Variants in RAPGEF4 observed in about 807,000 individuals in gnomAD.
RAPGEF4 encodes the protein Rap guanine nucleotide exchange factor 4.
Under a neutral mutation model 147.9 loss-of-function variants are expected in RAPGEF4, and 66 were observed. The ratio of observed to expected loss-of-function variants is 0.45; its 90% CI spans 0.37 to 0.55. The LOEUF is 0.55. RAPGEF4 is among the 20% of genes least tolerant of loss of function. RAPGEF4 has a pLI of 0.00. For synonymous variants in RAPGEF4, 419 were observed against 442.7 expected, an observed-to-expected ratio of 0.95 and a Z score of 0.67; for missense variants, 1,071 against 1,257.3, an observed-to-expected ratio of 0.85 and a Z score of 2.24.
At chr2:172,791,181 A>C (rs1189999636) in intron 1 of RAPGEF4, among the ~76,000 whole-genome samples, 3 of 152,208 alleles carry the variant, frequency 2.0e-5, no homozygotes, top group Non-Finnish European at 4.4e-5. Context: ...CTGGTGATTA[A>C]ATTTCTGACC....
At chr2:172,925,145 A>T (rs1685154070) in intron 6 of RAPGEF4, among the ~76,000 whole-genome samples, 1 of 152,086 alleles carries the variant, frequency 6.6e-6, no homozygotes, top group South Asian at 2.1e-4. Flanking sequence ...ATGCCTGGCT[A>T]ATTTTTTCTA....
chr2:172,907,233 G>A (rs1054434713), intron 4 of RAPGEF4, among the ~76,000 whole-genome samples: 3 of 152,192 alleles, frequency 2.0e-5, no homozygotes, highest in Non-Finnish European at 4.4e-5. Context: ...TACTAATATT[G>A]TATTTGTCAG....
In RAPGEF4 at chr2:172,986,739, G is replaced by A. The variant is rs527731451; in HGVS notation, c.1150+1246G>A. Among the ~76,000 whole-genome samples, 6 of 150,978 alleles carry A rather than the reference G, an allele frequency of 4.0e-5. No individual in the cohort carries two copies. The East Asian group carries it at 1.2e-3, about 29-fold the overall frequency. On this transcript the variant is annotated intron_variant, in intron 12 of 30. Coordinates refer to ENST00000397081, the MANE Select transcript of RAPGEF4 (RefSeq NM_007023.4). Reference sequence around the variant, plus strand: ...GACGGAGTCTTGCTCTATCACCCAGGCTGGAGTGCAGTGGCACAACCTTGG... The same window carrying A: ...GACGGAGTCTTGCTCTATCACCCAGACTGGAGTGCAGTGGCACAACCTTGG...
chr2:172,871,332 C>T lies in RAPGEF4; in HGVS notation c.445-46470C>T, dbSNP rs573235563. 1.1e-4 allele frequency among the ~76,000 whole-genome samples: 17 copies of T among 152,244 alleles called. No homozygotes were observed. The South Asian group carries it at 3.3e-3, about 30-fold the overall frequency. On this transcript the variant is annotated intron_variant, in intron 4 of 30. Coordinates refer to ENST00000397081, the MANE Select transcript of RAPGEF4 (RefSeq NM_007023.4). ...CTTGGCAGAGTGTTTTGATTGGTAT[C>T]GGCCTGCTTTCTGCAGTGAGAAAGC...
intron 1 of RAPGEF4, among the ~76,000 whole-genome samples, chr2:172,746,001 G>A (rs1694734047): frequency 6.6e-6 from 1 of 152,190 alleles, no homozygotes. Flanking sequence ...TCCAAGGAAA[G>A]ATTGTAGTAT....
At chr2:172,925,335 C>T (rs889824239) in intron 6 of RAPGEF4, among the ~76,000 whole-genome samples, 6 of 152,164 alleles carry the variant, frequency 3.9e-5, no homozygotes, top group Non-Finnish European at 8.8e-5. Context: ...TTTGTGGCTG[C>T]CTTGCCAGCT....
intron 1 of RAPGEF4, among the ~76,000 whole-genome samples, chr2:172,743,574 G>A (rs909960363): frequency 2.0e-5 from 3 of 152,158 alleles, no homozygotes; most frequent in Admixed American, 6.5e-5. Flanking sequence ...ATTTTGTGGG[G>A]CAGACATTGT....
chr2:172,831,268 T>TTTTTTTTTTTTTTTTTTTTTTTTTC, intron 4 of RAPGEF4, among the ~76,000 whole-genome samples: 1 of 112,752 alleles, frequency 8.9e-6, no homozygotes, highest in Non-Finnish European at 1.9e-5. Context: ...ATAGAAAACT[T>TTTTTTTTTTTTTTTTTTTTTTTTTC]TTTTTTTTTT....
At chr2:172,749,950 A>G (rs1212074816) in intron 1 of RAPGEF4, among the ~76,000 whole-genome samples, 1 of 152,204 alleles carries the variant, frequency 6.6e-6, no homozygotes, top group African/African-American at 2.4e-5. Context: ...TTGCTAAAAC[A>G]TAGCAAGAGT....
chr2:172,839,257 T>C (rs1034790769), intron 4 of RAPGEF4, among the ~76,000 whole-genome samples: 1 of 151,936 alleles, frequency 6.6e-6, no homozygotes, highest in Admixed American at 6.6e-5. Flanking sequence ...CAAGAAAGAA[T>C]TCAGGGCGAG....
At position 173,018,766 on chromosome 2, in the gene RAPGEF4, G is replaced by A. The variant is rs200419099; in HGVS notation, c.2119G>A (p.Glu707Lys). Residue 707 changes from glutamate (E) to lysine (K), a missense_variant, in exon 22 of 31, where the codon GAG becomes AAG. Coordinates refer to ENST00000397081, the MANE Select transcript of RAPGEF4 (RefSeq NM_007023.4). ...AGTTGCCGACAAGCTGGGCTCCGGG[G>A]AGGGCCTGATCATAGTCAAGATGAG... is the stretch of plus-strand genomic sequence containing the variant. ...SAVADKLGSGEGLIIVKMSSG... is the reference protein window; with the variant it reads ...SAVADKLGSGKGLIIVKMSSG... The A allele has an allele frequency of 2.2e-5, 35 of 1,614,070 alleles. No homozygotes were observed. The highest frequency in any genetic ancestry group is 1.1e-5 in the South Asian group (1 of 91,074).
At chr2:172,804,291 T>C (rs919362359) in intron 3 of RAPGEF4, among the ~76,000 whole-genome samples, 1 of 152,222 alleles carries the variant, frequency 6.6e-6, no homozygotes, top group Non-Finnish European at 1.5e-5. Context: ...CCTTATATTT[T>C]TTACTGTCTA....
At chr2:172,931,001 T>C (rs1685861652) in intron 6 of RAPGEF4, among the ~76,000 whole-genome samples, 1 of 152,106 alleles carries the variant, frequency 6.6e-6, no homozygotes, top group Non-Finnish European at 1.5e-5. Flanking sequence ...TCATTCATTG[T>C]TACAATCCAT....
At chr2:172,922,395 C>A in intron 6 of RAPGEF4, 95 bp downstream of exon 6, 1 of 1,153,906 alleles carries the variant, frequency 8.7e-7, no homozygotes, top group Non-Finnish European at 1.3e-6. Flanking sequence ...TCTTGACCCA[C>A]ATTCAACAGA....
intron 4 of RAPGEF4, among the ~76,000 whole-genome samples, chr2:172,833,260 G>GT (rs11335525): frequency 0.019 from 2,393 of 126,798 alleles, 62 homozygotes; most frequent in African/African-American, 0.06. Context: ...AGAGGTTTGG[G>GT]TTTTTTTTTT....
At chr2:172,869,748 T>A (rs1695010999) in intron 4 of RAPGEF4, among the ~76,000 whole-genome samples, 1 of 152,194 alleles carries the variant, frequency 6.6e-6, no homozygotes, top group Non-Finnish European at 1.5e-5. Context: ...TGAATGTGTG[T>A]TTGTTTATCT....
At chr2:172,798,008 T>C (rs1296214428) in intron 3 of RAPGEF4, among the ~76,000 whole-genome samples, 1 of 152,326 alleles carries the variant, frequency 6.6e-6, no homozygotes, top group East Asian at 1.9e-4. Context: ...GAATTTTCTT[T>C]GTCCTAGAAG....
At chr2:172,908,221 A>C (rs1300797735) in intron 4 of RAPGEF4, among the ~76,000 whole-genome samples, 1 of 152,268 alleles carries the variant, frequency 6.6e-6, no homozygotes, top group Non-Finnish European at 1.5e-5. Context: ...ATGCAAATTT[A>C]GCTTTCTACT....
At chr2:173,008,845 A>G (rs1694745286) in intron 17 of RAPGEF4, among the ~76,000 whole-genome samples, 1 of 152,258 alleles carries the variant, frequency 6.6e-6, no homozygotes, top group South Asian at 2.1e-4. Flanking sequence ...ACTAGGTAAA[A>G]ATATATGAAA....
Sources: allele counts gnomAD v4.1 joint callset (sites outside exome capture counted in the v4.1 genomes callset), GRCh38; gene constraint gnomAD v4.1.1; transcripts MANE v1.5; gene names NCBI Gene and HGNC (gene_info 2026-07-23, HGNC 2026-07-21).